DDI2: variants seen among roughly 807,000 people sequenced by gnomAD.
DDI2 encodes DDI proteasomal shuttling factor 2.
DDI2 carries 5 observed loss-of-function variants against 48.1 expected under a neutral mutation model. That is an observed-to-expected ratio of 0.10 (90% CI 0.05 to 0.22). DDI2 has a LOEUF of 0.22. Among genes scored for constraint, DDI2 ranks in the 10% least tolerant of loss-of-function variants. The pLI is 1.00. For synonymous variants in DDI2, 205 were observed against 183.6 expected, an observed-to-expected ratio of 1.12 and a Z score of -0.94; for missense variants, 285 against 506.2, an observed-to-expected ratio of 0.56 and a Z score of 4.19.
intron 5 of DDI2, among the ~76,000 whole-genome samples, chr1:15,640,283 A>T (rs957596742): frequency 2.0e-5 from 3 of 152,018 alleles, no homozygotes; most frequent in African/African-American, 7.3e-5. Context: ...TAATCATCTT[A>T]CTCAATTTTA....
intron 1 of DDI2, among the ~76,000 whole-genome samples, chr1:15,624,827 G>C (rs898585146): frequency 6.6e-6 from 1 of 152,066 alleles, no homozygotes; most frequent in Non-Finnish European, 1.5e-5. Flanking sequence ...TGGCCTAAAT[G>C]GGTTAAGTGA....
intron 8 of DDI2, among the ~76,000 whole-genome samples, chr1:15,652,384 A>T (rs1407958053): frequency 1.4e-5 from 2 of 141,736 alleles, no homozygotes; most frequent in African/African-American, 5.2e-5. Context: ...ATAATGAAAA[A>T]GTCTGTATTC....
intron 1 of DDI2, among the ~76,000 whole-genome samples, chr1:15,622,379 A>G (rs1488972403): frequency 1.3e-5 from 2 of 152,090 alleles, no homozygotes; most frequent in African/African-American, 4.8e-5. Flanking sequence ...TTGTTAATAG[A>G]AGGCTCTCAT....
In DDI2 at chr1:15,630,510, C is replaced by G; in HGVS notation, c.454C>G (p.Leu152Val). 6.2e-7 allele frequency: 1 copy of G among 1,614,166 alleles called. No individual in the cohort carries two copies. The highest frequency in any genetic ancestry group is 8.5e-7 in the Non-Finnish European group (1 of 1,180,022). ...GGCCAACCCGCATGAGCTGTCCTTGCTGAAGGAACGCAATCCACCCCTGGC... is the reference window on the plus strand; with the variant it reads ...GGCCAACCCGCATGAGCTGTCCTTGGTGAAGGAACGCAATCCACCCCTGGC... ...LLANPHELSL[L>V]KERNPPLAEA... Residue 152 changes from leucine (L) to valine (V), a missense_variant, in exon 3 of 10, where the codon CTG (leucine) becomes GTG (valine). Coordinates refer to ENST00000480945, the MANE Select transcript of DDI2 (RefSeq NM_032341.5).
rs1286525172 is a variant in DDI2, at chr1:15,660,161, A to G, written c.*371A>G. The G allele has an allele frequency of 6.2e-7, 1 of 1,614,130 alleles. No homozygotes were observed. Among genetic ancestry groups the G allele is most frequent in the African/African-American group, 1.3e-5 (1 of 74,944 alleles). On this transcript the variant is annotated 3_prime_UTR_variant, in exon 10 of 10. Transcript: ENST00000480945. Reference sequence around the variant, plus strand: ...GACCAGAGTCCAGCTATGCCTATGCAGAATTCATCCGAAGAAATAACTGTT... The same window carrying G: ...GACCAGAGTCCAGCTATGCCTATGCGGAATTCATCCGAAGAAATAACTGTT...
At chr1:15,621,203 A>G (rs1021236605) in intron 1 of DDI2, among the ~76,000 whole-genome samples, 1 of 152,172 alleles carries the variant, frequency 6.6e-6, no homozygotes, top group African/African-American at 2.4e-5. Context: ...AGTTATCAGA[A>G]CTTAGCTTCA....
rs1220242814 is a variant in DDI2, at chr1:15,629,784, T to G, written c.269-541T>G. Reference sequence around the variant, plus strand: ...TTCGCTCTTGTTGCCTGGGCTGGAGTGCAATGGCGCCATCTCGGCTCACTG... The same window carrying G: ...TTCGCTCTTGTTGCCTGGGCTGGAGGGCAATGGCGCCATCTCGGCTCACTG... On this transcript the variant is annotated intron_variant, in intron 2 of 9. Coordinates refer to ENST00000480945, the MANE Select transcript of DDI2 (RefSeq NM_032341.5). 2.0e-5 allele frequency among the ~76,000 whole-genome samples: 3 copies of G among 150,100 alleles called. No individual in the cohort carries two copies. The East Asian group carries it at 5.9e-4, about 30-fold the overall frequency.
At chr1:15,654,937 CTTTTT>C (rs60979134) in intron 8 of DDI2, among the ~76,000 whole-genome samples, 2 of 140,672 alleles carry the variant, frequency 1.4e-5, no homozygotes, top group African/African-American at 5.2e-5. Context: ...TATGAAATGT[CTTTTT>C]TTTTTTTTTC....
rs988509605 is a variant in DDI2 at position 15,666,606 on chromosome 1, CTT to C, written c.*6818_*6819del. The C allele has an allele frequency of 1.3e-5, 2 of 152,148 alleles. No individual in the cohort carries two copies. Among genetic ancestry groups the C allele is most frequent in the African/African-American group, 2.4e-5 (1 of 41,430 alleles). 9.4% of individuals were successfully genotyped at this position (152,148 alleles called of 1,614,324 possible). A position where few individuals can be genotyped will look rare whatever the true frequency, so the allele number is the denominator to read the frequency against. ...CTCTTGAAGGCTATGCAACATGAGTCTTTGAACAAGAATTCCTTGCTACTTTG... is the reference window on the plus strand; with the variant it reads ...CTCTTGAAGGCTATGCAACATGAGTCTGAACAAGAATTCCTTGCTACTTTG... On this transcript the variant is annotated 3_prime_UTR_variant, in exon 10 of 10. Transcript: ENST00000480945.
At chr1:15,649,298 G>T (rs1640142378) in intron 6 of DDI2, among the ~76,000 whole-genome samples, 1 of 152,064 alleles carries the variant, frequency 6.6e-6, no homozygotes, top group Non-Finnish European at 1.5e-5. Context: ...GGAGGCAGAG[G>T]TTGCAGTGAG....
intron 7 of DDI2, among the ~76,000 whole-genome samples, chr1:15,651,488 T>A (rs1640183074): frequency 1.3e-5 from 2 of 152,010 alleles, no homozygotes; most frequent in African/African-American, 4.8e-5. Flanking sequence ...CTGGTTAATT[T>A]TTGTATTTTT....
In DDI2 at chr1:15,630,347, T is replaced by C; in HGVS notation, c.291T>C (p.Ser97=). The change falls in exon 3 of 10, where the codon AGT becomes AGC. Residue 97 remains serine, a synonymous_variant. Coordinates refer to ENST00000480945, the MANE Select transcript of DDI2 (RefSeq NM_032341.5). The part of the protein sequence containing the change: ...QFPNLPRIDF[S]SIAVPGTSSP... ...CAGACTTACCCCGAATAGATTTCAG[T>C]AGTATAGCTGTGCCTGGCACATCAA... The C allele has an allele frequency of 6.2e-7, 1 of 1,614,186 alleles. No individual in the cohort carries two copies. The highest frequency in any genetic ancestry group is 8.5e-7 in the Non-Finnish European group (1 of 1,180,042).
chr1:15,642,238 A>G (rs1640022455), intron 5 of DDI2, among the ~76,000 whole-genome samples: 1 of 152,226 alleles, frequency 6.6e-6, no homozygotes, highest in African/African-American at 2.4e-5. Context: ...AGGACTGTAA[A>G]GATTACAGAA....
chr1:15,643,515 C>T lies in DDI2; in HGVS notation c.761-7C>T. The T allele has an allele frequency of 1.2e-6, 2 of 1,611,088 alleles. 1 individual carries two copies. Among genetic ancestry groups the T allele is most frequent in the Admixed American group, 3.4e-5 (2 of 59,258 alleles). ...TTTTATTGTCTGATGTTTCTCTACT[C>T]CTCCAGGTGCCCAGATGACTATCAT... On this transcript the variant is annotated splice_polypyrimidine_tract_variant and splice_region_variant and intron_variant, in intron 5 of 9. Transcript: ENST00000480945.
intron 6 of DDI2, among the ~76,000 whole-genome samples, chr1:15,648,547 A>G (rs1327026254): frequency 1.3e-5 from 2 of 152,330 alleles, no homozygotes; most frequent in Middle Eastern, 3.4e-3. Flanking sequence ...TACTCTAGAA[A>G]AACATTGCCT....
intron 1 of DDI2, among the ~76,000 whole-genome samples, chr1:15,618,371 G>C (rs1639600039): frequency 6.6e-6 from 1 of 150,504 alleles, no homozygotes; most frequent in Non-Finnish European, 1.5e-5. Flanking sequence ...ACCTCATTTT[G>C]GGGTCTTTGG....
At chr1:15,624,734 C>G (rs936154377) in intron 1 of DDI2, among the ~76,000 whole-genome samples, 1 of 151,900 alleles carries the variant, frequency 6.6e-6, no homozygotes, top group African/African-American at 2.4e-5. Context: ...TCCAATGGAA[C>G]GCTAAGCTTG....
At chr1:15,622,813 A>G (rs1639689148) in intron 1 of DDI2, among the ~76,000 whole-genome samples, 3 of 152,216 alleles carry the variant, frequency 2.0e-5, no homozygotes. Flanking sequence ...AACAAAAAGA[A>G]ATCAGTTCTT....
At chr1:15,638,944 T>C (rs1639967202) in intron 5 of DDI2, among the ~76,000 whole-genome samples, 2 of 152,290 alleles carry the variant, frequency 1.3e-5, no homozygotes, top group South Asian at 4.1e-4. Context: ...TAACTCCCCT[T>C]ATCTAGCATC....
Sources: allele counts gnomAD v4.1 joint callset (sites outside exome capture counted in the v4.1 genomes callset), GRCh38; gene constraint gnomAD v4.1.1; transcripts MANE v1.5; gene names NCBI Gene and HGNC (gene_info 2026-07-23, HGNC 2026-07-21).